CFLAR: variants seen among roughly 807,000 people sequenced by gnomAD.
The protein encoded by CFLAR is CASP8 and FADD like apoptosis regulator, also known as CASP8 and FADD-like apoptosis regulator.
Under a neutral mutation model 51.1 loss-of-function variants are expected in CFLAR, and 14 were observed. The observed-to-expected ratio is 0.27, with a 90% CI of 0.18 to 0.43. The LOEUF (loss-of-function observed/expected upper bound fraction) is 0.43. Among genes scored for constraint, CFLAR ranks in the 20% least tolerant of loss-of-function variants. The probability of loss-of-function intolerance (pLI) is 1.00; values close to 1 mark genes in which losing one functional copy is unlikely to be tolerated. For synonymous variants in CFLAR, 210 were observed against 211.6 expected (o/e 0.99, Z 0.06); for missense variants, 390 against 566.5 (o/e 0.69, Z 3.16).
At chr2:201,122,099 T>C (rs1479903441) in intron 1 of CFLAR, among the ~76,000 whole-genome samples, 1 of 152,228 alleles carries the variant, frequency 6.6e-6, no homozygotes, top group African/African-American at 2.4e-5. Flanking sequence ...AAATCTTACA[T>C]CTTGCTTAAA....
intron 3 of CFLAR, among the ~76,000 whole-genome samples, chr2:201,133,703 G>A (rs779433346): frequency 1.3e-5 from 2 of 152,052 alleles, no homozygotes; most frequent in Non-Finnish European, 2.9e-5. Context: ...GGCCAAGGTG[G>A]GTGGATCACG....
chr2:201,130,200 C>G (rs2049114064), intron 2 of CFLAR, 54 bp downstream of exon 2: 1 of 1,423,214 alleles, frequency 7.0e-7, no homozygotes. Flanking sequence ...TGAAGTGTCT[C>G]AGACTCTACT....
Position 201,138,283 on chromosome 2 carries a change from C to T in CFLAR, c.524-2074C>T. 1.3e-6 allele frequency: 1 copy of T among 794,474 alleles called. No homozygotes were observed. The allele number at this position is 794,474 out of a possible 1,614,324, so 49.2% of individuals were successfully genotyped here. On this transcript the variant is annotated intron_variant, in intron 4 of 9. Transcript: ENST00000309955. The surrounding 1 kb of genome is among the most constrained non-coding windows in gnomAD (Gnocchi z 4.0). ...TGACGCCTACCTGGGTGAGCAGGTC[C>T]AGGTGGTATTTGTCATCCTCATGGG... is the stretch of plus-strand genomic sequence containing the variant.
chr2:201,161,976 G>A (rs912826234), intron 9 of CFLAR, among the ~76,000 whole-genome samples: 10 of 151,858 alleles, frequency 6.6e-5, no homozygotes, highest in Non-Finnish European at 1.2e-4. Flanking sequence ...TGCAACTCCT[G>A]GCCTCAAGTG....
chr2:201,138,249 C>T lies in CFLAR; in HGVS notation c.524-2108C>T, dbSNP rs1421364316. On this transcript the variant is annotated intron_variant, in intron 4 of 9. Coordinates refer to ENST00000309955, the MANE Select transcript of CFLAR (RefSeq NM_003879.7). This position sits in a 1 kb window ranked among gnomAD's most constrained non-coding sequence, Gnocchi z 4.0. ...GAGTTCCCTTGGGACGAGTCCAAGC[C>T]TATGACATTGACGCCTACCTGGGTG... 2.3e-6 allele frequency: 2 copies of T among 867,102 alleles called. No homozygotes were observed. The highest frequency in any genetic ancestry group is 4.0e-6 in the Non-Finnish European group (2 of 502,998). The allele number at this position is 867,102 out of a possible 1,614,324, so 53.7% of individuals were successfully genotyped here. A position where few individuals can be genotyped will look rare whatever the true frequency, so the allele number is the denominator to read the frequency against.
At chr2:201,137,937 T>G in intron 4 of CFLAR, 1 of 760,826 alleles carries the variant, frequency 1.3e-6, no homozygotes. Flanking sequence ...GGCCAGGGCC[T>G]TGACCACATG....
intron 6 of CFLAR, among the ~76,000 whole-genome samples, chr2:201,148,090 A>G (rs1940590049): frequency 6.6e-6 from 1 of 152,116 alleles, no homozygotes; most frequent in Non-Finnish European, 1.5e-5. Context: ...TAATTGCTAA[A>G]ATACAAAAAA....
intron 1 of CFLAR, among the ~76,000 whole-genome samples, chr2:201,122,174 A>G (rs1268776221): frequency 6.6e-6 from 1 of 152,246 alleles, no homozygotes; most frequent in African/African-American, 2.4e-5. Context: ...TAATAAATTG[A>G]TGATGAGTTC....
At chr2:201,133,774 C>T (rs1286670923) in intron 3 of CFLAR, among the ~76,000 whole-genome samples, 1 of 151,130 alleles carries the variant, frequency 6.6e-6, no homozygotes, top group East Asian at 1.9e-4. Context: ...ACTAAAAATA[C>T]AAAAAAAGTA....
rs997342324 is a variant in CFLAR at position 201,169,573 on chromosome 2, A to G, written c.*5600A>G. On this transcript the variant is annotated 3_prime_UTR_variant, in exon 10 of 10. Transcript: ENST00000309955. ...AAAGGTTTCATGACAAAAACATCAAAAGCAATTGCAACAAAAGCAAAAATT... is the reference window on the plus strand; with the variant it reads ...AAAGGTTTCATGACAAAAACATCAAGAGCAATTGCAACAAAAGCAAAAATT... The G allele has an allele frequency of 2.0e-5, 3 of 152,224 alleles. No homozygotes were observed. The highest frequency in any genetic ancestry group is 7.2e-5 in the African/African-American group (3 of 41,458). The allele number at this position is 152,224 out of a possible 1,614,324, so 9.4% of individuals were successfully genotyped here.
chr2:201,163,929 C>T lies in CFLAR; in HGVS notation c.1399C>T (p.Leu467=). 1 of 1,614,096 alleles carries T rather than the reference C, an allele frequency of 6.2e-7. No homozygotes were observed. The highest frequency in any genetic ancestry group is 2.2e-5 in the East Asian group (1 of 44,880). ...VSAKEKYYVW[L]QHTLRKKLIL... ...TGCCAAGGAGAAATATTATGTCTGGCTGCAGCACACTCTGAGAAAGAAACT... is the reference window on the plus strand; with the variant it reads ...TGCCAAGGAGAAATATTATGTCTGGTTGCAGCACACTCTGAGAAAGAAACT... Residue 467 remains leucine (L), a synonymous_variant, in exon 10 of 10, where the codon CTG becomes TTG. Transcript: ENST00000309955.
rs944260329 is a variant in CFLAR at position 201,124,208 on chromosome 2, C to T, written c.-137-5521C>T. Among the ~76,000 whole-genome samples, 1 of 152,106 alleles carries T rather than the reference C, an allele frequency of 6.6e-6. No individual in the cohort carries two copies. Among genetic ancestry groups the T allele is most frequent in the Non-Finnish European group, 1.5e-5 (1 of 68,020 alleles). ...TTGTTACCAGATAGTTTGGGGGCAG[C>T]GTTGGTGTTCTGTGAGAAAGGTTGA... On this transcript the variant is annotated intron_variant, in intron 1 of 9. Transcript: ENST00000309955. This position sits in a 1 kb window ranked among gnomAD's most constrained non-coding sequence, Gnocchi z 4.7.
Position 201,174,174 on chromosome 2 carries a change from T to G in CFLAR, c.*10201T>G, listed in dbSNP as rs1458243151. 2 of 150,604 alleles carry G rather than the reference T, an allele frequency of 1.3e-5. No homozygotes were observed. The highest frequency in any genetic ancestry group is 5.0e-5 in the African/African-American group (2 of 39,880). The allele number at this position is 150,604 out of a possible 1,614,324, so 9.3% of individuals were successfully genotyped here. On this transcript the variant is annotated 3_prime_UTR_variant, in exon 10 of 10. Coordinates refer to ENST00000309955, the MANE Select transcript of CFLAR (RefSeq NM_003879.7). ...TATGTTATTGCTTATGCTTTTGGTGTCATACCTAAAAAACCATTGTCTAAA... is the reference window on the plus strand; with the variant it reads ...TATGTTATTGCTTATGCTTTTGGTGGCATACCTAAAAAACCATTGTCTAAA...
intron 6 of CFLAR, chr2:201,148,696 C>T: frequency 3.2e-6 from 1 of 310,036 alleles, no homozygotes; most frequent in Non-Finnish European, 6.2e-6. Context: ...TTAGATTCTC[C>T]TATCAAGTTA....
At chr2:201,121,710 A>G (rs1379362715) in intron 1 of CFLAR, among the ~76,000 whole-genome samples, 1 of 152,222 alleles carries the variant, frequency 6.6e-6, no homozygotes, top group East Asian at 1.9e-4. Flanking sequence ...TTTAGTTACA[A>G]TGGAGAATCT....
intron 1 of CFLAR, among the ~76,000 whole-genome samples, chr2:201,128,117 A>T (rs1235199829): frequency 6.6e-6 from 1 of 151,958 alleles, no homozygotes; most frequent in Non-Finnish European, 1.5e-5. Flanking sequence ...TAATGATTTT[A>T]TTTTTGTGTT....
chr2:201,140,523 A>T, intron 5 of CFLAR, 84 bp downstream of exon 5: 1 of 987,866 alleles, frequency 1.0e-6, no homozygotes, highest in Non-Finnish European at 1.5e-6. Flanking sequence ...CACAGCATGT[A>T]CTTTATTTAA....
At position 201,164,718 on chromosome 2, in the gene CFLAR, A is replaced by G. The variant is rs953027210; in HGVS notation, c.*745A>G. 5 of 152,318 alleles carry G rather than the reference A, an allele frequency of 3.3e-5. No homozygotes were observed. The highest frequency in any genetic ancestry group is 1.9e-4 in the East Asian group (1 of 5,190). 9.4% of individuals were successfully genotyped at this position (152,318 alleles called of 1,614,324 possible). ...ACCCGGGAACACTTTGCATCCTTCT[A>G]TTCAATCAAGTTGATACTCAGTATT... On this transcript the variant is annotated 3_prime_UTR_variant, in exon 10 of 10. Coordinates refer to ENST00000309955, the MANE Select transcript of CFLAR (RefSeq NM_003879.7).
intron 5 of CFLAR, among the ~76,000 whole-genome samples, chr2:201,143,154 A>G (rs748504304): frequency 7.9e-5 from 12 of 152,156 alleles, no homozygotes; most frequent in Non-Finnish European, 2.9e-5. Context: ...TATGCTTTGC[A>G]TATTAGTTTC....
Sources: allele counts gnomAD v4.1 joint callset (sites outside exome capture counted in the v4.1 genomes callset), GRCh38; gene constraint gnomAD v4.1.1; non-coding constraint Gnocchi (gnomAD v3.1); transcripts MANE v1.5; gene names NCBI Gene and HGNC (gene_info 2026-07-23, HGNC 2026-07-21).